VEGFC: variants seen among roughly 807,000 people sequenced by gnomAD.
VEGFC encodes FLT4 ligand DHM.
Under a neutral mutation model 46.1 loss-of-function variants are expected in VEGFC, and 12 were observed. The ratio of observed to expected loss-of-function variants is 0.26; its 90% CI spans 0.17 to 0.42. The LOEUF is 0.42. VEGFC is among the 10% of genes least tolerant of loss of function. The pLI is 1.00. For missense variants in VEGFC, 488 were observed against 529.4 expected, an observed-to-expected ratio of 0.92 and a Z score of 0.77; for synonymous variants, 232 against 195.5, an observed-to-expected ratio of 1.19 and a Z score of -1.56.
At chr4:176,771,223 C>T (rs564402532) in intron 1 of VEGFC, among the ~76,000 whole-genome samples, 42 of 152,236 alleles carry the variant, frequency 2.8e-4, no homozygotes, top group African/African-American at 1.0e-3. Flanking sequence ...AAAGAAAATA[C>T]TACAGTTGCA....
chr4:176,782,786 T>C (rs971472214), intron 1 of VEGFC, among the ~76,000 whole-genome samples: 1 of 151,106 alleles, frequency 6.6e-6, no homozygotes, highest in East Asian at 1.9e-4. Context: ...TAGTGTTTAG[T>C]GCTTTGTTCC....
At chr4:176,710,285 G>T (rs1220507203) in intron 4 of VEGFC, among the ~76,000 whole-genome samples, 1 of 152,188 alleles carries the variant, frequency 6.6e-6, no homozygotes, top group East Asian at 1.9e-4. Flanking sequence ...GCTGAGGAAG[G>T]TGAACAGAAC....
At chr4:176,688,173 C>A (rs1734080697) in intron 4 of VEGFC, among the ~76,000 whole-genome samples, 1 of 152,142 alleles carries the variant, frequency 6.6e-6, no homozygotes, top group Non-Finnish European at 1.5e-5. Flanking sequence ...CTTTTTAAGG[C>A]AAACACATTG....
rs144809500 is a variant in VEGFC, at chr4:176,713,617, T to A, written c.553-1967A>T. ...GTGTGTCTAGAGTTTAGGAGAGCCA[T>A]TGAAAAGTCATGAACATTTAAGCTG... On this transcript the variant is annotated intron_variant, in intron 3 of 6. Coordinates refer to ENST00000618562, the MANE Select transcript of VEGFC (RefSeq NM_005429.5). Among the ~76,000 whole-genome samples, 104 of 152,252 alleles carry A rather than the reference T, an allele frequency of 6.8e-4. No homozygotes were observed. In the East Asian group the frequency reaches 0.019, roughly 27 times the overall value.
chr4:176,693,191 G>A (rs1053294199), intron 4 of VEGFC, among the ~76,000 whole-genome samples: 1 of 151,168 alleles, frequency 6.6e-6, no homozygotes, highest in African/African-American at 2.5e-5. Flanking sequence ...GCTACAGGAG[G>A]ACATTCAAAC....
intron 3 of VEGFC, among the ~76,000 whole-genome samples, chr4:176,719,754 T>G (rs763497499): frequency 9.2e-5 from 14 of 152,154 alleles, no homozygotes; most frequent in Non-Finnish European, 1.6e-4. Context: ...TGCACTTGTC[T>G]AACTGAATTT....
At chr4:176,754,064 A>C (rs925964770) in intron 1 of VEGFC, among the ~76,000 whole-genome samples, 3 of 152,110 alleles carry the variant, frequency 2.0e-5, no homozygotes, top group Admixed American at 2.0e-4. Context: ...AAGAGAAATT[A>C]AAAGTTATCT....
At chr4:176,751,490 T>C (rs1256859060) in intron 1 of VEGFC, among the ~76,000 whole-genome samples, 1 of 151,962 alleles carries the variant, frequency 6.6e-6, no homozygotes, top group Admixed American at 6.6e-5. Flanking sequence ...ATCAAAATGT[T>C]CACTACAGTA....
chr4:176,690,061 T>C (rs897137741), intron 4 of VEGFC, among the ~76,000 whole-genome samples: 10 of 152,268 alleles, frequency 6.6e-5, no homozygotes, highest in African/African-American at 2.4e-4. Context: ...CCTGCACACA[T>C]TTTTAGAGAA....
At chr4:176,715,946 A>C (rs1339994268) in intron 3 of VEGFC, among the ~76,000 whole-genome samples, 1 of 152,094 alleles carries the variant, frequency 6.6e-6, no homozygotes, top group African/African-American at 2.4e-5. Context: ...CTGGATCTTC[A>C]ATTTACTACT....
intron 1 of VEGFC, among the ~76,000 whole-genome samples, chr4:176,761,652 C>T (rs968490811): frequency 2.0e-5 from 3 of 152,148 alleles, no homozygotes; most frequent in African/African-American, 4.8e-5. Flanking sequence ...TGTGGGCCCA[C>T]GTGTATGTGT....
intron 4 of VEGFC, among the ~76,000 whole-genome samples, chr4:176,700,999 T>C (rs1734421989): frequency 6.6e-6 from 1 of 152,190 alleles, no homozygotes; most frequent in Admixed American, 6.5e-5. Context: ...GCAGTAAAAG[T>C]ATTCTGCATG....
chr4:176,750,219 T>A (rs1473194488), intron 1 of VEGFC, among the ~76,000 whole-genome samples: 1 of 151,810 alleles, frequency 6.6e-6, no homozygotes, highest in Non-Finnish European at 1.5e-5. Context: ...GTAAAGCAGT[T>A]GTTCAGATAA....
At chr4:176,785,438 T>C (rs1160940505) in intron 1 of VEGFC, among the ~76,000 whole-genome samples, 2 of 152,192 alleles carry the variant, frequency 1.3e-5, no homozygotes, top group Non-Finnish European at 2.9e-5. Flanking sequence ...CTTTCTCTAG[T>C]AGGTGGCATC....
Position 176,792,194 on chromosome 4 carries a change from C to G in VEGFC, c.118G>C (p.Asp40His), listed in dbSNP as rs1736107209. ...GCCTCGCCCGCGTCGGGCTCCGCGT[C>G]CGAGAGGTCGAGTCCGGACTCGAAG... Reference protein sequence around the residue: ...AAFESGLDLSDAEPDAGEATA... With the variant: ...AAFESGLDLSHAEPDAGEATA... Residue 40 changes from aspartate (D) to histidine (H), a missense_variant, in exon 1 of 7, where the codon GAC becomes CAC. By Grantham distance (81) the Asp-to-His change is moderately conservative. Transcript: ENST00000618562. This position sits in a 1 kb window ranked among gnomAD's most constrained non-coding sequence, Gnocchi z 6.3. The G allele has an allele frequency of 3.2e-6, 5 of 1,540,494 alleles. No homozygotes were observed. The highest frequency in any genetic ancestry group is 4.4e-6 in the Non-Finnish European group (5 of 1,147,926).
At chr4:176,687,727 A>C (rs2110963691) in intron 5 of VEGFC, 94 bp downstream of exon 5, 1 of 1,068,482 alleles carries the variant, frequency 9.4e-7, no homozygotes, top group East Asian at 2.4e-5. Flanking sequence ...ATTTAGAAGA[A>C]TGATGAATAT....
intron 1 of VEGFC, among the ~76,000 whole-genome samples, chr4:176,760,805 AT>A (rs929603764): frequency 7.2e-5 from 11 of 152,076 alleles, no homozygotes; most frequent in African/African-American, 1.7e-4. Context: ...AAAACAATGA[AT>A]TTTTTTTAAA....
At chr4:176,747,338 A>G (rs1735274015) in intron 1 of VEGFC, among the ~76,000 whole-genome samples, 2 of 152,172 alleles carry the variant, frequency 1.3e-5, no homozygotes, top group Non-Finnish European at 2.9e-5. Flanking sequence ...TTGAATAATT[A>G]ATAATGAGTA....
chr4:176,692,459 C>G, intron 4 of VEGFC, among the ~76,000 whole-genome samples: 1 of 135,606 alleles, frequency 7.4e-6, no homozygotes, highest in East Asian at 2.0e-4. Context: ...TATACCCGCA[C>G]CTGGCTCGAG....
Sources: allele counts gnomAD v4.1 joint callset (sites outside exome capture counted in the v4.1 genomes callset), GRCh38; gene constraint gnomAD v4.1.1; non-coding constraint Gnocchi (gnomAD v3.1); transcripts MANE v1.5; gene names NCBI Gene and HGNC (gene_info 2026-07-23, HGNC 2026-07-21).